The following FBXO8 variants were observed in gnomAD, a reference collection of about 807,000 sequenced individuals.
FBXO8 encodes the protein F-box only protein 8.
A neutral mutation model predicts 33.4 loss-of-function variants in FBXO8; 15 were observed. That is an observed-to-expected ratio of 0.45 (90% confidence interval 0.30 to 0.69). The LOEUF is 0.69. Ranked by LOEUF, FBXO8 falls within the 30% of genes least tolerant of loss-of-function variation. The pLI, the probability that FBXO8 is intolerant of heterozygous loss-of-function variation, is 0.08. For missense variants in FBXO8, 274 were observed against 380.3 expected (o/e 0.72, Z 2.32); for synonymous variants, 132 against 131.5 (o/e 1.00, Z -0.02).
At position 174,261,072 on chromosome 4, in the gene FBXO8, G is replaced by GCT. The variant is rs1736548023; in HGVS notation, c.330-1249_330-1248dup. Among the ~76,000 whole-genome samples, 1 of 151,862 alleles carries GCT rather than the reference G, an allele frequency of 6.6e-6. No individual in the cohort carries two copies. Among genetic ancestry groups the GCT allele is most frequent in the South Asian group, 2.1e-4 (1 of 4,830 alleles). On this transcript the variant is annotated intron_variant, in intron 2 of 5. Transcript: ENST00000393674. The surrounding 1 kb of genome is among the most constrained non-coding windows in gnomAD (Gnocchi z 4.1). ...ACCCTCTTAGTAGTTGATTTATACT[G>GCT]CTGCATTATTTTTACCCACCAAATG...
chr4:174,258,952 C>G (rs1736478806), intron 3 of FBXO8, among the ~76,000 whole-genome samples: 1 of 151,742 alleles, frequency 6.6e-6, no homozygotes, highest in South Asian at 2.1e-4. Context: ...TTAAATTTTT[C>G]CACAAAAAAT....
In FBXO8 at chr4:174,255,122, A is replaced by C. The variant is rs1736386895; in HGVS notation, c.456+4577T>G. Among the ~76,000 whole-genome samples, 1 of 152,138 alleles carries C rather than the reference A, an allele frequency of 6.6e-6. No homozygotes were observed. The highest frequency in any genetic ancestry group is 1.5e-5 in the Non-Finnish European group (1 of 68,006). ...ATCTATCATGTTCAAATTAGACTTA[A>C]GAATTCCTTTTTAACTGTGTATTCC... On this transcript the variant is annotated intron_variant, in intron 3 of 5. Coordinates refer to ENST00000393674, the MANE Select transcript of FBXO8 (RefSeq NM_012180.3). The surrounding 1 kb of genome is among the most constrained non-coding windows in gnomAD (Gnocchi z 4.3).
rs1242420628 is a variant in FBXO8 at position 174,247,821 on chromosome 4, T to C, written c.457-6603A>G. The stretch of plus-strand genomic sequence containing the variant: ...TGTTTGCAAATAGCAGCAGCAATGG[T>C]TAAGATGACTGCTCTGATACTATTT... On this transcript the variant is annotated intron_variant, in intron 3 of 5. Coordinates refer to ENST00000393674, the MANE Select transcript of FBXO8 (RefSeq NM_012180.3). This position sits in a 1 kb window ranked among gnomAD's most constrained non-coding sequence, Gnocchi z 4.6. 6.6e-6 allele frequency among the ~76,000 whole-genome samples: 1 copy of C among 151,996 alleles called. No individual in the cohort carries two copies. Among genetic ancestry groups the C allele is most frequent in the Non-Finnish European group, 1.5e-5 (1 of 67,944 alleles).
At position 174,274,380 on chromosome 4, in the gene FBXO8, T is replaced by C. The variant is rs1404731115; in HGVS notation, c.-9+9030A>G. On this transcript the variant is annotated intron_variant, in intron 1 of 5. Transcript: ENST00000393674. The surrounding 1 kb of genome is among the most constrained non-coding windows in gnomAD (Gnocchi z 4.0). ...GTAGGTAGTTTACAATAAAAGGTAG[T>C]TTCGTACTCATCCCTCTCGCCCTCT... is the stretch of plus-strand genomic sequence containing the variant. Among the ~76,000 whole-genome samples, 3 of 152,228 alleles carry C rather than the reference T, an allele frequency of 2.0e-5. No homozygotes were observed. The highest frequency in any genetic ancestry group is 1.3e-4 in the Admixed American group (2 of 15,284).
In FBXO8 at chr4:174,277,741, T is replaced by A. The variant is rs1386737437; in HGVS notation, c.-9+5669A>T. 6.6e-6 allele frequency among the ~76,000 whole-genome samples: 1 copy of A among 152,158 alleles called. No homozygotes were observed. Among genetic ancestry groups the A allele is most frequent in the Non-Finnish European group, 1.5e-5 (1 of 67,988 alleles). The stretch of plus-strand genomic sequence containing the variant: ...TTTCTTAGTTGTCTAAATAGTGGAA[T>A]TTATAAGTAAATGTCCTGTCTCAGA... On this transcript the variant is annotated intron_variant, in intron 1 of 5. Coordinates refer to ENST00000393674, the MANE Select transcript of FBXO8 (RefSeq NM_012180.3). This position sits in a 1 kb window ranked among gnomAD's most constrained non-coding sequence, Gnocchi z 4.9.
At position 174,257,890 on chromosome 4, in the gene FBXO8, A is replaced by T. The variant is rs892494464; in HGVS notation, c.456+1809T>A. On this transcript the variant is annotated intron_variant, in intron 3 of 5. Coordinates refer to ENST00000393674, the MANE Select transcript of FBXO8 (RefSeq NM_012180.3). This position sits in a 1 kb window ranked among gnomAD's most constrained non-coding sequence, Gnocchi z 4.3. The stretch of plus-strand genomic sequence containing the variant: ...CAAGAATGCACCACAATGCCTAGCT[A>T]ATTTTTTAAAAATTTTTTGTGGAGA... 1.1e-4 allele frequency among the ~76,000 whole-genome samples: 16 copies of T among 151,834 alleles called. No homozygotes were observed. Among genetic ancestry groups the T allele is most frequent in the African/African-American group, 3.9e-4 (16 of 41,318 alleles).
chr4:174,258,837 T>A (rs1653672381), intron 3 of FBXO8, among the ~76,000 whole-genome samples: 1 of 152,042 alleles, frequency 6.6e-6, no homozygotes, highest in Non-Finnish European at 1.5e-5. Flanking sequence ...TTAAGATAAC[T>A]TTAGAAAATA....
chr4:174,246,128 T>C (rs370649054), intron 3 of FBXO8, among the ~76,000 whole-genome samples: 8 of 152,094 alleles, frequency 5.3e-5, no homozygotes, highest in African/African-American at 1.9e-4. Flanking sequence ...GATAGAATAA[T>C]GTTCCAGAAG....
Position 174,274,982 on chromosome 4 carries a change from A to C in FBXO8, c.-9+8428T>G, listed in dbSNP as rs138371664. On this transcript the variant is annotated intron_variant, in intron 1 of 5. Transcript: ENST00000393674. The surrounding 1 kb of genome is among the most constrained non-coding windows in gnomAD (Gnocchi z 4.0). ...CAAAATAAAAAATTTTTGCTCTTTG[A>C]AAGTCTATATTTGGAAGATGAAAGG... 1.3e-5 allele frequency among the ~76,000 whole-genome samples: 2 copies of C among 152,198 alleles called. No individual in the cohort carries two copies. The highest frequency in any genetic ancestry group is 4.8e-5 in the African/African-American group (2 of 41,446).
chr4:174,258,597 T>C (rs1736468876), intron 3 of FBXO8, among the ~76,000 whole-genome samples: 1 of 152,134 alleles, frequency 6.6e-6, no homozygotes, highest in Admixed American at 6.6e-5. Context: ...TCTGGAGATA[T>C]GACTTAACTG....
At chr4:174,238,566 A>T (rs745477842) in intron 5 of FBXO8, among the ~76,000 whole-genome samples, 1 of 151,524 alleles carries the variant, frequency 6.6e-6, no homozygotes, top group South Asian at 2.1e-4. Flanking sequence ...ACAGACATAT[A>T]TAACAACTTT....
At position 174,239,196 on chromosome 4, in the gene FBXO8, GA is replaced by G; in HGVS notation, c.576-7del. Reference sequence around the variant, plus strand: ...GGTCATCCAAGACATCTCTCCTACAGAAAGAAAAAAAGGCACAGCTTTGGTT... The same window carrying G: ...GGTCATCCAAGACATCTCTCCTACAGAAGAAAAAAAGGCACAGCTTTGGTT... On this transcript the variant is annotated splice_polypyrimidine_tract_variant and splice_region_variant and intron_variant, in intron 4 of 5. Transcript: ENST00000393674. 2.0e-6 allele frequency: 3 copies of G among 1,499,128 alleles called. No homozygotes were observed. The highest frequency in any genetic ancestry group is 2.7e-6 in the Non-Finnish European group (3 of 1,120,906). The allele number at this position is 1,499,128 out of a possible 1,614,324, so 92.9% of individuals were successfully genotyped here.
At chr4:174,258,569 T>C (rs1736468231) in intron 3 of FBXO8, among the ~76,000 whole-genome samples, 1 of 152,146 alleles carries the variant, frequency 6.6e-6, no homozygotes, top group Non-Finnish European at 1.5e-5. Context: ...CTTTACAATA[T>C]ATATACTTTG....
Position 174,251,960 on chromosome 4 carries a change from TA to T in FBXO8, c.456+7738del, listed in dbSNP as rs145111258. ...CAAATTTGGAGATAAATTGATCTGC[TA>T]CTGAGAATTAGCAATGTTTATTTAT... On this transcript the variant is annotated intron_variant, in intron 3 of 5. Coordinates refer to ENST00000393674, the MANE Select transcript of FBXO8 (RefSeq NM_012180.3). The surrounding 1 kb of genome is among the most constrained non-coding windows in gnomAD (Gnocchi z 4.2). Among the ~76,000 whole-genome samples the T allele has an allele frequency of 0.013, 2,034 of 152,242 alleles. 18 individuals carry two copies. Among genetic ancestry groups the T allele is most frequent in the African/African-American group, 0.02 (840 of 41,540 alleles).
chr4:174,273,797 C>A (rs971721289), intron 1 of FBXO8, among the ~76,000 whole-genome samples: 2 of 152,048 alleles, frequency 1.3e-5, no homozygotes, highest in African/African-American at 4.8e-5. Context: ...GGAATCCAGG[C>A]ATGTAAATTT....
chr4:174,276,238 A>T lies in FBXO8; in HGVS notation c.-9+7172T>A, dbSNP rs143978439. ...TATTGACCAAATATTTATTTGACAGAGCCAACTTGTTTTTTCTGAGTTGGA... is the reference window on the plus strand; with the variant it reads ...TATTGACCAAATATTTATTTGACAGTGCCAACTTGTTTTTTCTGAGTTGGA... On this transcript the variant is annotated intron_variant, in intron 1 of 5. Coordinates refer to ENST00000393674, the MANE Select transcript of FBXO8 (RefSeq NM_012180.3). Among the ~76,000 whole-genome samples the T allele has an allele frequency of 3.5e-3, 538 of 152,256 alleles. 3 individuals carry two copies. Among genetic ancestry groups the T allele is most frequent in the Middle Eastern group, 0.017 (5 of 294 alleles).
intron 1 of FBXO8, among the ~76,000 whole-genome samples, chr4:174,280,835 A>G (rs1160606184): frequency 1.3e-5 from 2 of 152,216 alleles, no homozygotes; most frequent in Non-Finnish European, 2.9e-5. Context: ...CCAAAACTGG[A>G]AACAAAAGGT....
rs556601024 is a variant in FBXO8, at chr4:174,264,079, A to G, written c.-8-979T>C. Reference sequence around the variant, plus strand: ...TTTTTCAAACAAAATACTTTTATCAACTCGAGTTGACTACTAATACCTGTG... The same window carrying G: ...TTTTTCAAACAAAATACTTTTATCAGCTCGAGTTGACTACTAATACCTGTG... On this transcript the variant is annotated intron_variant, in intron 1 of 5. Transcript: ENST00000393674. Among the ~76,000 whole-genome samples, 8 of 152,296 alleles carry G rather than the reference A, an allele frequency of 5.3e-5. No individual in the cohort carries two copies. The South Asian group carries it at 1.7e-3, about 32-fold the overall frequency.
Position 174,237,173 on chromosome 4 carries a change from A to C in FBXO8, c.*239T>G, listed in dbSNP as rs987272790. ...TATCATTCGTTAACAGCTGTGTTAG[A>C]CAGTGGCTCTGCTTTGTGCAAAACG... On this transcript the variant is annotated 3_prime_UTR_variant, in exon 6 of 6. Transcript: ENST00000393674. This position sits in a 1 kb window ranked among gnomAD's most constrained non-coding sequence, Gnocchi z 4.4. 3.8e-5 allele frequency: 16 copies of C among 423,268 alleles called. No homozygotes were observed. The highest frequency in any genetic ancestry group is 6.0e-5 in the Non-Finnish European group (14 of 234,610). The allele number at this position is 423,268 out of a possible 1,614,324, so 26.2% of individuals were successfully genotyped here.
Sources: allele counts gnomAD v4.1 joint callset (sites outside exome capture counted in the v4.1 genomes callset), GRCh38; gene constraint gnomAD v4.1.1; non-coding constraint Gnocchi (gnomAD v3.1); transcripts MANE v1.5; gene names NCBI Gene and HGNC (gene_info 2026-07-23, HGNC 2026-07-21).